DNAJC17: variants seen among roughly 807,000 people sequenced by gnomAD.
The protein encoded by DNAJC17 is dnaJ homolog subfamily C member 17.
Under a neutral mutation model 48.1 loss-of-function variants are expected in DNAJC17, and 35 were observed. The observed-to-expected ratio is 0.73, with a 90% CI of 0.56 to 0.96. The LOEUF is 0.96. DNAJC17 is among the 50% of genes least tolerant of loss of function. The pLI, the probability that DNAJC17 is intolerant of heterozygous loss-of-function variation, is 0.00. For missense variants in DNAJC17, 355 were observed against 377.1 expected, an observed-to-expected ratio of 0.94 and a Z score of 0.48; for synonymous variants, 117 against 142.7, an observed-to-expected ratio of 0.82 and a Z score of 1.28.
At chr15:40,786,827 G>A (rs1240443087) in intron 1 of DNAJC17, among the ~76,000 whole-genome samples, 6 of 152,182 alleles carry the variant, frequency 3.9e-5, no homozygotes, top group African/African-American at 1.2e-4. Context: ...ACTGCAATTT[G>A]CAGAAACTTG....
intron 1 of DNAJC17, among the ~76,000 whole-genome samples, chr15:40,800,627 C>T (rs1890052897): frequency 6.8e-6 from 1 of 148,008 alleles, no homozygotes; most frequent in Non-Finnish European, 1.5e-5. Flanking sequence ...GGTTGTTGAG[C>T]TGTGTTTTTT....
chr15:40,779,800 G>T, intron 2 of DNAJC17, 128 bp downstream of exon 2: 1 of 1,190,464 alleles, frequency 8.4e-7, no homozygotes, highest in Non-Finnish European at 1.2e-6. Flanking sequence ...GAAGCCCTGG[G>T]ACCCATTGCC....
chr15:40,767,529 G>A lies in DNAJC17; in HGVS notation c.*411C>T. ...TGAAACCCTGCGTCAAGCAGTGGGA[G>A]AGGGCAGTGCCCGGTGCCCTGGTGC... On this transcript the variant is annotated 3_prime_UTR_variant, in exon 11 of 11. Transcript: ENST00000220496. 3 of 725,956 alleles carry A rather than the reference G, an allele frequency of 4.1e-6. No individual in the cohort carries two copies. The East Asian group carries it at 9.6e-5, about 23-fold the overall frequency. The allele number at this position is 725,956 out of a possible 1,614,324, so 45.0% of individuals were successfully genotyped here. A position where few individuals can be genotyped will look rare whatever the true frequency, so the allele number is the denominator to read the frequency against.
intron 4 of DNAJC17, chr15:40,777,031 G>A (rs1883237985): frequency 4.7e-6 from 1 of 213,744 alleles, no homozygotes; most frequent in Non-Finnish European, 9.6e-6. Context: ...CACACACTGA[G>A]CTCAGGTTCT....
At chr15:40,788,524 G>A (rs956319098) in intron 1 of DNAJC17, among the ~76,000 whole-genome samples, 7 of 151,936 alleles carry the variant, frequency 4.6e-5, no homozygotes, top group Non-Finnish European at 1.0e-4. Context: ...GTGAAACCCC[G>A]TCTCTACTAA....
chr15:40,774,177 T>G (rs1889249086), intron 9 of DNAJC17, 179 bp downstream of exon 9: 1 of 704,088 alleles, frequency 1.4e-6, no homozygotes, highest in Non-Finnish European at 2.4e-6. Flanking sequence ...CATCCATCCC[T>G]TCACACACGG....
rs775717595 is a variant in DNAJC17 at position 40,765,630 on chromosome 15, C to G, written c.*2310G>C. On this transcript the variant is annotated 3_prime_UTR_variant, in exon 11 of 11. Transcript: ENST00000220496. Reference sequence around the variant, plus strand: ...CTGAGCTTTAAGGCACTAGGGAGGGCGCCTACATTGCTCCTCCTGATCATT... The same window carrying G: ...CTGAGCTTTAAGGCACTAGGGAGGGGGCCTACATTGCTCCTCCTGATCATT... 4 of 385,102 alleles carry G rather than the reference C, an allele frequency of 1.0e-5. No individual in the cohort carries two copies. Among genetic ancestry groups the G allele is most frequent in the Non-Finnish European group, 1.9e-5 (4 of 216,178 alleles). The allele number at this position is 385,102 out of a possible 1,614,324, so 23.9% of individuals were successfully genotyped here. A position where few individuals can be genotyped will look rare whatever the true frequency, so the allele number is the denominator to read the frequency against.
intron 1 of DNAJC17, among the ~76,000 whole-genome samples, chr15:40,796,574 G>T (rs1460453664): frequency 1.3e-5 from 2 of 152,166 alleles, no homozygotes; most frequent in Non-Finnish European, 2.9e-5. Flanking sequence ...TATTAGGATG[G>T]TTATTATCCA....
chr15:40,773,585 C>G (rs1345682379), intron 10 of DNAJC17, 142 bp downstream of exon 10: 3 of 617,980 alleles, frequency 4.9e-6, no homozygotes, highest in Non-Finnish European at 8.5e-6. Flanking sequence ...GAAATCACAG[C>G]CCCTCTTGCC....
intron 10 of DNAJC17, among the ~76,000 whole-genome samples, chr15:40,772,845 A>G (rs1010718339): frequency 1.3e-5 from 2 of 152,166 alleles, no homozygotes; most frequent in African/African-American, 2.4e-5. Flanking sequence ...CACCAGGGCC[A>G]TGGTTGCAGG....
chr15:40,797,715 CTCTT>C (rs1401608431), intron 1 of DNAJC17, among the ~76,000 whole-genome samples: 5 of 122,450 alleles, frequency 4.1e-5, no homozygotes, highest in African/African-American at 9.4e-5. Context: ...CCTGGCCGAT[CTCTT>C]TTTTTTTTTT....
intron 1 of DNAJC17, among the ~76,000 whole-genome samples, chr15:40,805,862 G>T (rs1034085137): frequency 6.6e-6 from 1 of 151,132 alleles, no homozygotes; most frequent in African/African-American, 2.4e-5. Context: ...TAATAATAAA[G>T]AATTTAAAAA....
At position 40,792,895 on chromosome 15, in the gene DNAJC17, C is replaced by CTT. The variant is rs563611021; in HGVS notation, c.79-12900_79-12899dup. Among the ~76,000 whole-genome samples the CTT allele has an allele frequency of 1.5e-3, 194 of 126,256 alleles. 1 individual carries two copies. Among genetic ancestry groups the CTT allele is most frequent in the Non-Finnish European group, 2.1e-3 (128 of 60,166 alleles). 82.8% of individuals were successfully genotyped at this position (126,256 alleles called of 152,430 possible). On this transcript the variant is annotated intron_variant, in intron 1 of 10. Transcript: ENST00000220496. Reference sequence around the variant, plus strand: ...CAGTAAATGACCATGAAGATCCCTTCTTTTTTTTTTTTTTTTTTTTGAGAT... The same window carrying CTT: ...CAGTAAATGACCATGAAGATCCCTTCTTTTTTTTTTTTTTTTTTTTTTGAGAT...
intron 10 of DNAJC17, chr15:40,772,169 G>A (rs867990915): frequency 6.0e-6 from 1 of 166,926 alleles, no homozygotes; most frequent in Non-Finnish European, 1.5e-5. Flanking sequence ...ACCCTCCGAC[G>A]ATGGGCCTGC....
intron 1 of DNAJC17, among the ~76,000 whole-genome samples, chr15:40,791,208 T>C (rs941752556): frequency 2.0e-5 from 3 of 151,696 alleles, no homozygotes; most frequent in South Asian, 2.1e-4. Context: ...AAATAAATAA[T>C]GTGGTAATAT....
At chr15:40,788,310 C>T (rs1188481901) in intron 1 of DNAJC17, among the ~76,000 whole-genome samples, 2 of 152,214 alleles carry the variant, frequency 1.3e-5, no homozygotes, top group African/African-American at 4.8e-5. Context: ...TGCCTGTAAT[C>T]CTAACACTTT....
Position 40,770,684 on chromosome 15 carries a change from C to G in DNAJC17, c.793-2622G>C, listed in dbSNP as rs1391006716. 2.3e-5 allele frequency: 35 copies of G among 1,548,606 alleles called. No homozygotes were observed. Among genetic ancestry groups the G allele is most frequent in the Non-Finnish European group, 3.0e-5 (34 of 1,146,954 alleles). On this transcript the variant is annotated intron_variant, in intron 10 of 10. Coordinates refer to ENST00000220496, the MANE Select transcript of DNAJC17 (RefSeq NM_018163.3). This position sits in a 1 kb window ranked among gnomAD's most constrained non-coding sequence, Gnocchi z 5.0. ...TACAAGGGAGGCCAGATGGCCGGCG[C>G]CTGCCACTGTGGGGGGACGAGCAGC...
chr15:40,778,795 GC>G (rs1374075511), intron 4 of DNAJC17, among the ~76,000 whole-genome samples: 1 of 152,106 alleles, frequency 6.6e-6, no homozygotes, highest in Non-Finnish European at 1.5e-5. Flanking sequence ...AATTAGCCGG[GC>G]GTAGTGGTGC....
In DNAJC17 at chr15:40,770,722, T is replaced by C; in HGVS notation, c.793-2660A>G. ...GGGGACGAGCAGCCCCGGGCCACCC[T>C]GCTGGCCCCACCCAAGCCCCCACGC... On this transcript the variant is annotated intron_variant, in intron 10 of 10. Transcript: ENST00000220496. The surrounding 1 kb of genome is among the most constrained non-coding windows in gnomAD (Gnocchi z 5.0). 6.5e-7 allele frequency: 1 copy of C among 1,545,920 alleles called. No homozygotes were observed. Among genetic ancestry groups the C allele is most frequent in the Non-Finnish European group, 8.7e-7 (1 of 1,146,826 alleles).
Sources: allele counts gnomAD v4.1 joint callset (sites outside exome capture counted in the v4.1 genomes callset), GRCh38; gene constraint gnomAD v4.1.1; non-coding constraint Gnocchi (gnomAD v3.1); transcripts MANE v1.5; gene names NCBI Gene and HGNC (gene_info 2026-07-23, HGNC 2026-07-21).